The following ASH1L variants were observed in gnomAD, a reference collection of about 807,000 sequenced individuals.
ASH1L encodes the protein ASH1 like histone lysine methyltransferase.
A neutral mutation model predicts 269.0 loss-of-function variants in ASH1L; 23 were observed. The observed-to-expected ratio is 0.09, with a 90% CI of 0.06 to 0.12. ASH1L has a LOEUF of 0.12. ASH1L is among the 10% of genes least tolerant of loss of function. The pLI is 1.00. For synonymous variants in ASH1L, 1,187 were observed against 1,253.5 expected, an observed-to-expected ratio of 0.95 and a Z score of 1.12; for missense variants, 2,912 against 3,567.8, an observed-to-expected ratio of 0.82 and a Z score of 4.68.
At chr1:155,425,534 G>A (rs973958126) in intron 5 of ASH1L, among the ~76,000 whole-genome samples, 1 of 151,190 alleles carries the variant, frequency 6.6e-6, no homozygotes, top group African/African-American at 2.4e-5. Context: ...TGCCTCCTGG[G>A]TTCAAGCGAT....
At chr1:155,337,892 GA>G (rs542350670) in intron 27 of ASH1L, 141 bp from the exon 28 acceptor site, 77 of 1,017,762 alleles carry the variant, frequency 7.6e-5, no homozygotes, top group Non-Finnish European at 1.1e-4. Context: ...AACCCTACGT[GA>G]AAAAGGTGGT....
intron 5 of ASH1L, among the ~76,000 whole-genome samples, chr1:155,418,063 G>A (rs1660362622): frequency 6.6e-6 from 1 of 151,914 alleles, no homozygotes. Context: ...TTGAATATTT[G>A]TAAAGGAAAC....
chr1:155,472,441 C>T (rs1300835405), intron 3 of ASH1L, among the ~76,000 whole-genome samples: 2 of 152,210 alleles, frequency 1.3e-5, no homozygotes, highest in Non-Finnish European at 1.5e-5. Flanking sequence ...TAACTGTCCT[C>T]TTGGGTAATT....
intron 1 of ASH1L, among the ~76,000 whole-genome samples, chr1:155,546,591 C>T (rs574852064): frequency 1.3e-5 from 2 of 151,934 alleles, no homozygotes; most frequent in Non-Finnish European, 2.9e-5. Flanking sequence ...AAACCAGTCT[C>T]TACTGAAAAT....
intron 1 of ASH1L, among the ~76,000 whole-genome samples, chr1:155,554,099 T>C (rs1406876958): frequency 6.6e-6 from 1 of 151,226 alleles, no homozygotes; most frequent in Non-Finnish European, 1.5e-5. Flanking sequence ...TTTTTTTTCC[T>C]TTAGAGACAG....
At chr1:155,499,822 C>T (rs115032051) in intron 2 of ASH1L, among the ~76,000 whole-genome samples, 3,107 of 152,134 alleles carry the variant, frequency 0.02, 103 homozygotes, top group African/African-American at 0.071. Context: ...GATATACCTT[C>T]TAACAATTTG....
chr1:155,454,654 G>A (rs755329726), intron 4 of ASH1L, among the ~76,000 whole-genome samples: 10 of 152,130 alleles, frequency 6.6e-5, no homozygotes, highest in Non-Finnish European at 1.3e-4. Context: ...TATAATCCCA[G>A]CTACAAGAGA....
In ASH1L at chr1:155,562,367, C is replaced by G. The variant is rs760437104; in HGVS notation, c.-314G>C. 2.8e-5 allele frequency: 42 copies of G among 1,519,916 alleles called. No individual in the cohort carries two copies. Among genetic ancestry groups the G allele is most frequent in the Non-Finnish European group, 3.8e-5 (42 of 1,115,932 alleles). The allele number at this position is 1,519,916 out of a possible 1,614,324, so 94.2% of individuals were successfully genotyped here. On this transcript the variant is annotated 5_prime_UTR_variant, in exon 1 of 28. Coordinates refer to ENST00000392403, the MANE Select transcript of ASH1L (RefSeq NM_018489.3). ...GGGGCAAACTGAGGGGAGGCGGGTCCCGCAACCGAGACTGGGATCGTCTCC... is the reference window on the plus strand; with the variant it reads ...GGGGCAAACTGAGGGGAGGCGGGTCGCGCAACCGAGACTGGGATCGTCTCC...
chr1:155,350,114 C>A (rs534288969), intron 17 of ASH1L, among the ~76,000 whole-genome samples: 1 of 151,992 alleles, frequency 6.6e-6, no homozygotes, highest in South Asian at 2.1e-4. Flanking sequence ...TGGTCTCGAT[C>A]TGACCTCGTG....
At position 155,343,418 on chromosome 1, in the gene ASH1L, C is replaced by T. The variant is rs751971592; in HGVS notation, c.8189G>A (p.Arg2730Gln). 5.0e-6 allele frequency: 8 copies of T among 1,614,082 alleles called. No homozygotes were observed. The highest frequency in any genetic ancestry group is 2.2e-5 in the East Asian group (1 of 44,890). The change falls in exon 24 of 28, where the codon CGG becomes CAG. Residue 2730 changes from arginine (R) to glutamine (Q), a missense_variant. Physicochemically the swap from Arg to Gln is conservative, Grantham distance 43. This residue lies in a region of ASH1L where 179 missense variants were observed against 293.8 expected (regional missense o/e 0.61). Transcript: ENST00000392403. This position sits in a 1 kb window ranked among gnomAD's most constrained non-coding sequence, Gnocchi z 6.1. ...CCGAAATAGTTCATTATGATAGAAC[C>T]GACGGGATGGAGAGTGGTGTGTTTC... ...PHETHHSPSR[R>Q]FYHNELFRVP...
Position 155,349,555 on chromosome 1 carries a change from G to T in ASH1L, c.7408C>A (p.Pro2470Thr). The change falls in exon 18 of 28, where the codon CCC becomes ACC. Residue 2470 changes from proline (P) to threonine (T), a missense_variant. This residue lies in a region of ASH1L where 309 missense variants were observed against 435.1 expected (regional missense o/e 0.71). Coordinates refer to ENST00000392403, the MANE Select transcript of ASH1L (RefSeq NM_018489.3). ...QALAAPLLNL[P>T]PKKKNADYYE... The stretch of plus-strand genomic sequence containing the variant: ...ATGTGAACCTACTTTTTCTTTGGGG[G>T]AAGGTTCAAAAGTGGAGCTGCCAGT... 6.2e-7 allele frequency: 1 copy of T among 1,614,010 alleles called. No individual in the cohort carries two copies. Among genetic ancestry groups the T allele is most frequent in the Non-Finnish European group, 8.5e-7 (1 of 1,179,988 alleles).
chr1:155,458,347 C>T (rs950757691), intron 4 of ASH1L, among the ~76,000 whole-genome samples: 17 of 152,318 alleles, frequency 1.1e-4, no homozygotes, highest in Admixed American at 7.8e-4. Context: ...TCCTTGTTTA[C>T]GTTTCCACAA....
At chr1:155,407,881 T>A (rs1005554247) in intron 6 of ASH1L, among the ~76,000 whole-genome samples, 22 of 152,174 alleles carry the variant, frequency 1.4e-4, no homozygotes, top group African/African-American at 4.1e-4. Flanking sequence ...TTATATTACA[T>A]ATATTCCACA....
chr1:155,494,388 T>C lies in ASH1L; in HGVS notation c.421-11939A>G, dbSNP rs1156410110. 8.1e-4 allele frequency among the ~76,000 whole-genome samples: 123 copies of C among 152,320 alleles called. 1 individual carries two copies. The highest frequency in any genetic ancestry group is 2.9e-5 in the Non-Finnish European group (2 of 68,034). ...AAGAGGAAGCCATTCGAAGATTTTA[T>C]GAAGAGGTATATGACTTGACCATTC... is the stretch of plus-strand genomic sequence containing the variant. On this transcript the variant is annotated intron_variant, in intron 2 of 27. Coordinates refer to ENST00000392403, the MANE Select transcript of ASH1L (RefSeq NM_018489.3).
intron 12 of ASH1L, among the ~76,000 whole-genome samples, chr1:155,368,612 A>G (rs1655650367): frequency 6.6e-6 from 1 of 151,656 alleles, no homozygotes; most frequent in Admixed American, 6.6e-5. Context: ...GCCTACCACC[A>G]CGCCCGGCTA....
intron 5 of ASH1L, among the ~76,000 whole-genome samples, chr1:155,435,963 AT>A (rs1662051465): frequency 6.6e-6 from 1 of 152,210 alleles, no homozygotes; most frequent in African/African-American, 2.4e-5. Context: ...AAGCAGGAGA[AT>A]CACTTGAAAC....
Position 155,479,328 on chromosome 1 carries a change from T to C in ASH1L, c.3542A>G (p.Lys1181Arg), listed in dbSNP as rs1401248987. ...PSHLSELTSLKEATPSPISES... is the reference protein window; with the variant it reads ...PSHLSELTSLREATPSPISES... Reference sequence around the variant, plus strand: ...ACTGATTGGGGAAGGAGTAGCTTCTTTTAGAGATGTGAGTTCACTCAAGTG... The same window carrying C: ...ACTGATTGGGGAAGGAGTAGCTTCTCTTAGAGATGTGAGTTCACTCAAGTG... Residue 1181 changes from lysine (K) to arginine (R), a missense_variant, in exon 3 of 28, where the codon AAA becomes AGA. Around this residue, in one of 13 missense-constraint regions of ASH1L, gnomAD observed 157 missense variants for 154.6 expected, o/e 1.02. Coordinates refer to ENST00000392403, the MANE Select transcript of ASH1L (RefSeq NM_018489.3). 6.2e-7 allele frequency: 1 copy of C among 1,614,076 alleles called. No homozygotes were observed. Among genetic ancestry groups the C allele is most frequent in the Admixed American group, 1.7e-5 (1 of 60,008 alleles).
intron 6 of ASH1L, among the ~76,000 whole-genome samples, chr1:155,402,175 T>A (rs1658916088): frequency 6.6e-6 from 1 of 150,798 alleles, no homozygotes; most frequent in African/African-American, 2.5e-5. Flanking sequence ...CAAACAAACA[T>A]CATATCAGGG....
chr1:155,390,940 C>T (rs1421625125), intron 7 of ASH1L, among the ~76,000 whole-genome samples: 2 of 151,382 alleles, frequency 1.3e-5, no homozygotes, highest in African/African-American at 4.9e-5. Flanking sequence ...TGAGCCACCA[C>T]ACCTGCCTGT....
Sources: allele counts gnomAD v4.1 joint callset (sites outside exome capture counted in the v4.1 genomes callset), GRCh38; gene constraint gnomAD v4.1.1; regional missense constraint gnomAD v4.1.1; non-coding constraint Gnocchi (gnomAD v3.1); transcripts MANE v1.5; gene names NCBI Gene and HGNC (gene_info 2026-07-23, HGNC 2026-07-21).